Variants in RHCE observed in about 807,000 individuals in gnomAD.
The protein encoded by RHCE is Rh blood group CcEe antigens.
In RHCE, 22 loss-of-function variants were observed where a neutral mutation model predicts 43.8. The observed-to-expected ratio is 0.50, with a 90% CI of 0.36 to 0.72. RHCE has a LOEUF of 0.72. RHCE is among the 30% of genes least tolerant of loss of function. The probability of loss-of-function intolerance (pLI) is 0.00; values close to 1 mark genes in which losing one functional copy is unlikely to be tolerated. For synonymous variants in RHCE, 156 were observed against 210.7 expected, an observed-to-expected ratio of 0.74 and a Z score of 2.25; for missense variants, 385 against 525.4, an observed-to-expected ratio of 0.73 and a Z score of 2.61.
chr1:25,415,115 C>T (rs1170074617), intron 1 of RHCE, among the ~76,000 whole-genome samples: 5 of 152,098 alleles, frequency 3.3e-5, no homozygotes, highest in Non-Finnish European at 7.4e-5. Flanking sequence ...TATGCCAAAT[C>T]ATACATCTGC....
At chr1:25,403,561 T>C (rs1235699640) in intron 2 of RHCE, among the ~76,000 whole-genome samples, 1 of 152,070 alleles carries the variant, frequency 6.6e-6, no homozygotes, top group Non-Finnish European at 1.5e-5. Context: ...AATGTACTTA[T>C]GATCTAGACA....
intron 6 of RHCE, among the ~76,000 whole-genome samples, chr1:25,388,419 A>G (rs1452139543): frequency 7.5e-6 from 1 of 133,602 alleles, no homozygotes; most frequent in Non-Finnish European, 1.6e-5. Context: ...CTCTCACATC[A>G]TCCACGTGGT....
At chr1:25,383,426 T>A (rs1035927281) in intron 7 of RHCE, among the ~76,000 whole-genome samples, 1 of 152,214 alleles carries the variant, frequency 6.6e-6, no homozygotes. Context: ...TACATAGAGA[T>A]GTCCCCATAC....
At chr1:25,388,070 C>T (rs1229986309) in intron 6 of RHCE, among the ~76,000 whole-genome samples, 2 of 151,632 alleles carry the variant, frequency 1.3e-5, no homozygotes, top group Non-Finnish European at 2.9e-5. Context: ...CTGCCCGCCT[C>T]GGCCTCCCAA....
At chr1:25,378,308 T>C (rs1331009002) in intron 7 of RHCE, among the ~76,000 whole-genome samples, 1 of 152,214 alleles carries the variant, frequency 6.6e-6, no homozygotes, top group Non-Finnish European at 1.5e-5. Context: ...ATTTCACTTC[T>C]AGGCATATAA....
intron 1 of RHCE, among the ~76,000 whole-genome samples, chr1:25,429,234 T>TTC (rs2042830454): frequency 6.7e-6 from 1 of 148,808 alleles, no homozygotes; most frequent in Admixed American, 6.6e-5. Context: ...TTTTTTTTTT[T>TTC]TTTTTTTTTG....
At chr1:25,386,755 G>C (rs995769933) in intron 6 of RHCE, among the ~76,000 whole-genome samples, 7 of 152,152 alleles carry the variant, frequency 4.6e-5, no homozygotes, top group African/African-American at 1.7e-4. Context: ...CCGGGAGGCA[G>C]AGCTTGCAGT....
Position 25,412,726 on chromosome 1 carries a change from A to T in RHCE, c.149-3857T>A, listed in dbSNP as rs1444455317. ...GGAGACCCTTTTTTTAAAAAAAAAA[A>T]AAAAAAAAAAAAAAAAGGCCGGGCA... On this transcript the variant is annotated intron_variant, in intron 1 of 9. Coordinates refer to ENST00000294413, the MANE Select transcript of RHCE (RefSeq NM_020485.8). 2.5e-3 allele frequency among the ~76,000 whole-genome samples: 379 copies of T among 148,684 alleles called. 5 individuals carry two copies. Among genetic ancestry groups the T allele is most frequent in the African/African-American group, 9.2e-3 (368 of 39,972 alleles).
chr1:25,380,852 A>AT (rs1426723503), intron 7 of RHCE, among the ~76,000 whole-genome samples: 2 of 147,726 alleles, frequency 1.4e-5, no homozygotes, highest in Non-Finnish European at 3.0e-5. Context: ...CCTTGTCCTG[A>AT]TGAACAGCCT....
chr1:25,403,893 C>T (rs139280083), intron 2 of RHCE, among the ~76,000 whole-genome samples: 6,027 of 148,472 alleles, frequency 0.041, 368 homozygotes, highest in African/African-American at 0.14. Flanking sequence ...TAAGGCTGGG[C>T]GCAGTGGCTC....
intron 3 of RHCE, among the ~76,000 whole-genome samples, chr1:25,395,472 C>G (rs561768938): frequency 6.6e-6 from 1 of 152,284 alleles, no homozygotes; most frequent in Non-Finnish European, 1.5e-5. Context: ...ATAGTCAGTT[C>G]TAGTGCCCTC....
chr1:25,416,276 T>A (rs1408072312), intron 1 of RHCE, among the ~76,000 whole-genome samples: 2 of 152,158 alleles, frequency 1.3e-5, no homozygotes, highest in Non-Finnish European at 2.9e-5. Context: ...TTTTCATTTT[T>A]TTTTTGAGAT....
chr1:25,409,957 C>T (rs970065465), intron 1 of RHCE, among the ~76,000 whole-genome samples: 8 of 151,888 alleles, frequency 5.3e-5, no homozygotes, highest in South Asian at 2.1e-4. Flanking sequence ...AGTACAGTGG[C>T]GAGATCTTGG....
intron 1 of RHCE, among the ~76,000 whole-genome samples, chr1:25,420,071 T>A (rs2042725790): frequency 6.6e-6 from 1 of 150,598 alleles, no homozygotes; most frequent in African/African-American, 2.5e-5. Flanking sequence ...GGTCCCAGCT[T>A]CTTGGGAGGC....
intron 1 of RHCE, among the ~76,000 whole-genome samples, chr1:25,412,714 TTAAAAAA>T (rs1309991150): frequency 1.7e-4 from 17 of 100,418 alleles, no homozygotes; most frequent in African/African-American, 4.4e-4. Flanking sequence ...GACCCTTTTT[TTAAAAAA>T]AAAAAAAAAA....
At chr1:25,392,319 T>C (rs970511368) in intron 3 of RHCE, among the ~76,000 whole-genome samples, 178 bp from the exon 4 acceptor site, 2 of 152,182 alleles carry the variant, frequency 1.3e-5, no homozygotes, top group African/African-American at 4.8e-5. Context: ...TGGAGTGCAA[T>C]GGCACGATCT....
At chr1:25,389,812 A>G (rs1274232579) in intron 5 of RHCE, among the ~76,000 whole-genome samples, 3 of 152,034 alleles carry the variant, frequency 2.0e-5, no homozygotes, top group African/African-American at 7.3e-5. Flanking sequence ...TAGCTCTGCT[A>G]TGTCCTTCAC....
chr1:25,384,116 C>A (rs202155534), intron 7 of RHCE, among the ~76,000 whole-genome samples: 166 of 147,632 alleles, frequency 1.1e-3, no homozygotes, highest in South Asian at 2.2e-3. Context: ...GTAGGGCTTG[C>A]ATTTCTAACA....
intron 7 of RHCE, among the ~76,000 whole-genome samples, chr1:25,384,659 G>A (rs1175095141): frequency 6.6e-6 from 1 of 152,148 alleles, no homozygotes; most frequent in Non-Finnish European, 1.5e-5. Context: ...TGGGGCTATG[G>A]TTGTCTCTGT....
Sources: allele counts gnomAD v4.1 joint callset (sites outside exome capture counted in the v4.1 genomes callset), GRCh38; gene constraint gnomAD v4.1.1; transcripts MANE v1.5; gene names NCBI Gene and HGNC (gene_info 2026-07-23, HGNC 2026-07-21).